DUSP22: variants seen among roughly 807,000 people sequenced by gnomAD.
DUSP22 encodes the protein dual specificity phosphatase 22, also known as dual specificity protein phosphatase 22.
DUSP22 carries 24 observed loss-of-function variants against 24.5 expected under a neutral mutation model. The ratio of observed to expected loss-of-function variants is 0.98; its 90% CI spans 0.71 to 1.38. The LOEUF is 1.38. DUSP22 is among the 40% of genes most tolerant of loss of function. The probability of loss-of-function intolerance (pLI) is 0.00; values close to 1 mark genes in which losing one functional copy is unlikely to be tolerated. For missense variants in DUSP22, 330 were observed against 269.2 expected, an observed-to-expected ratio of 1.23 and a Z score of -1.58; for synonymous variants, 160 against 106.4, an observed-to-expected ratio of 1.50 and a Z score of -3.10.
intron 3 of DUSP22, among the ~76,000 whole-genome samples, chr6:324,444 C>T (rs1026525026): frequency 5.2e-5 from 8 of 152,422 alleles, no homozygotes; most frequent in Middle Eastern, 3.4e-3. Flanking sequence ...GAATGCAGCA[C>T]GTCTCTAATA....
intron 6 of DUSP22, chr6:348,484 C>A: frequency 2.3e-6 from 2 of 884,108 alleles, no homozygotes; most frequent in Non-Finnish European, 3.4e-6. Flanking sequence ...CTTTGTCATT[C>A]TCCTTGTGCC....
chr6:297,499 CACCTGTAG>C (rs1442958432), intron 1 of DUSP22, among the ~76,000 whole-genome samples: 2 of 152,302 alleles, frequency 1.3e-5, no homozygotes, highest in Non-Finnish European at 2.9e-5. Context: ...TCAACGGCTA[CACCTGTAG>C]ACATTTCAGG....
chr6:335,069 T>A (rs7753848), intron 3 of DUSP22, 45 bp from the exon 4 acceptor site: 72,912 of 1,563,800 alleles, frequency 0.047, 194 homozygotes, highest in East Asian at 0.23. Flanking sequence ...CTCCACTGAG[T>A]TTCATGTTTT....
At chr6:293,860 A>AT (rs1757206197) in intron 1 of DUSP22, among the ~76,000 whole-genome samples, 1 of 129,748 alleles carries the variant, frequency 7.7e-6, no homozygotes, top group Admixed American at 9.5e-5. Context: ...TCTCTCTTGG[A>AT]TAAATACTTG....
chr6:330,737 ACTTT>A (rs1759102964), intron 3 of DUSP22, among the ~76,000 whole-genome samples: 1 of 152,308 alleles, frequency 6.6e-6, no homozygotes, highest in African/African-American at 2.4e-5. Flanking sequence ...AACCTTCTGA[ACTTT>A]CTTCTCCTCC....
At chr6:318,964 C>G (rs1758456366) in intron 3 of DUSP22, among the ~76,000 whole-genome samples, 1 of 152,308 alleles carries the variant, frequency 6.6e-6, no homozygotes. Context: ...CATATAATCA[C>G]ATTTATGTAA....
At chr6:337,349 C>A (rs1267009286) in intron 4 of DUSP22, among the ~76,000 whole-genome samples, 2 of 152,306 alleles carry the variant, frequency 1.3e-5, no homozygotes, top group Non-Finnish European at 2.9e-5. Context: ...GTGTTTTCTG[C>A]GAACTCTGAG....
In DUSP22 at chr6:336,072, G is replaced by A. The variant is rs1021400269; in HGVS notation, c.188+909G>A. 2.0e-5 allele frequency among the ~76,000 whole-genome samples: 3 copies of A among 152,300 alleles called. No individual in the cohort carries two copies. In the South Asian group the frequency reaches 6.2e-4, roughly 31 times the overall value. On this transcript the variant is annotated intron_variant, in intron 4 of 6. Coordinates refer to ENST00000419235, the MANE Select transcript of DUSP22 (RefSeq NM_001286555.3). Reference sequence around the variant, plus strand: ...ACAGCTTTAGCAGTCCGTCTTGGCTGTATAGAAGGGACCTGGAAATATCAT... The same window carrying A: ...ACAGCTTTAGCAGTCCGTCTTGGCTATATAGAAGGGACCTGGAAATATCAT...
chr6:350,209 G>T lies in DUSP22; in HGVS notation c.*1258G>T, dbSNP rs1013263806. 5.0e-5 allele frequency: 49 copies of T among 987,484 alleles called. No homozygotes were observed. The highest frequency in any genetic ancestry group is 5.4e-5 in the Non-Finnish European group (45 of 831,436). 61.2% of individuals were successfully genotyped at this position (987,484 alleles called of 1,614,324 possible). A position where few individuals can be genotyped will look rare whatever the true frequency, so the allele number is the denominator to read the frequency against. On this transcript the variant is annotated 3_prime_UTR_variant, in exon 7 of 7. Transcript: ENST00000419235. The stretch of plus-strand genomic sequence containing the variant: ...CAAAGGGGAAGGTACCGATATCATT[G>T]AGCTATTTAAAGTTGCCAGTTTGGG...
intron 2 of DUSP22, among the ~76,000 whole-genome samples, chr6:308,000 A>T (rs570367141): frequency 3.4e-3 from 523 of 152,186 alleles, no homozygotes; most frequent in African/African-American, 0.012. Flanking sequence ...TGTTGGTTTT[A>T]TGAATTACTA....
At chr6:298,895 T>TAAGGAAAC (rs71839754) in intron 1 of DUSP22, among the ~76,000 whole-genome samples, 55 of 122,688 alleles carry the variant, frequency 4.5e-4, no homozygotes, top group Non-Finnish European at 7.4e-4. Flanking sequence ...AGTAAGGAAA[T>TAAGGAAAC]GAATACAGCC....
In DUSP22 at chr6:350,886, AAAT is replaced by A; in HGVS notation, c.*1937_*1939del. 1 of 1,614,156 alleles carries A rather than the reference AAAT, an allele frequency of 6.2e-7. No homozygotes were observed. The highest frequency in any genetic ancestry group is 8.5e-7 in the Non-Finnish European group (1 of 1,179,940). ...GACTGTAATGTACCTGAAGTTTCTG[AAAT>A]ATTGCAAACCCACAGAGTTTAGGCT... On this transcript the variant is annotated 3_prime_UTR_variant, in exon 7 of 7. Coordinates refer to ENST00000419235, the MANE Select transcript of DUSP22 (RefSeq NM_001286555.3).
At chr6:320,425 C>G (rs575461799) in intron 3 of DUSP22, 3 of 152,996 alleles carry the variant, frequency 2.0e-5, no homozygotes, top group African/African-American at 7.2e-5. Context: ...ACCCTGTCCA[C>G]GTTGGGGAAT....
At chr6:301,930 A>G (rs1334419144) in intron 1 of DUSP22, among the ~76,000 whole-genome samples, 1 of 152,310 alleles carries the variant, frequency 6.6e-6, no homozygotes, top group Non-Finnish European at 1.5e-5. Flanking sequence ...TAAAGATAAT[A>G]TAAAATGTAT....
At chr6:330,603 A>C (rs1344715969) in intron 3 of DUSP22, among the ~76,000 whole-genome samples, 1 of 152,312 alleles carries the variant, frequency 6.6e-6, no homozygotes, top group Non-Finnish European at 1.5e-5. Flanking sequence ...AGGCCCAAAG[A>C]AAGGTAAAAA....
At chr6:315,376 T>C (rs1174094319) in intron 3 of DUSP22, among the ~76,000 whole-genome samples, 2 of 152,300 alleles carry the variant, frequency 1.3e-5, no homozygotes, top group African/African-American at 4.8e-5. Context: ...GACAAAAACC[T>C]GGACGTTGGG....
At position 350,872 on chromosome 6, in the gene DUSP22, A is replaced by T; in HGVS notation, c.*1921A>T. 6.8e-6 allele frequency: 11 copies of T among 1,614,240 alleles called. No individual in the cohort carries two copies. The highest frequency in any genetic ancestry group is 9.3e-6 in the Non-Finnish European group (11 of 1,180,012). ...GGCCTTTCTCAGAAGACTGTAATGT[A>T]CCTGAAGTTTCTGAAATATTGCAAA... On this transcript the variant is annotated 3_prime_UTR_variant, in exon 7 of 7. Coordinates refer to ENST00000419235, the MANE Select transcript of DUSP22 (RefSeq NM_001286555.3).
At chr6:324,551 C>T (rs553262662) in intron 3 of DUSP22, among the ~76,000 whole-genome samples, 18 of 152,420 alleles carry the variant, frequency 1.2e-4, no homozygotes, top group South Asian at 4.1e-4. Flanking sequence ...ACCCCGTGGA[C>T]GTTCTTTCTG....
At chr6:304,563 C>A (rs1757735329) in intron 1 of DUSP22, 65 bp from the exon 2 acceptor site, 3 of 1,608,422 alleles carry the variant, frequency 1.9e-6, no homozygotes, top group Non-Finnish European at 2.6e-6. Flanking sequence ...TGGATGAGGC[C>A]CCCTTCTGCA....
Sources: gnomAD v4.1 joint callset for allele counts (sites outside exome capture counted in the v4.1 genomes callset) on GRCh38, gnomAD v4.1.1 for gene constraint, MANE v1.5 for transcripts, NCBI Gene and HGNC (gene_info 2026-07-23, HGNC 2026-07-21) for gene names.